Variants in PRPSAP2 observed in about 807,000 individuals in gnomAD.
PRPSAP2 encodes phosphoribosyl pyrophosphate synthetase associated protein 2.
Under a neutral mutation model 40.6 loss-of-function variants are expected in PRPSAP2, and 24 were observed. The observed-to-expected ratio is 0.59, with a 90% confidence interval of 0.43 to 0.83. PRPSAP2 has a LOEUF of 0.83. PRPSAP2 is among the 40% of genes least tolerant of loss of function. The pLI is 0.00. For missense variants in PRPSAP2, 292 were observed against 465.6 expected (o/e 0.63, Z 3.43); for synonymous variants, 149 against 164.7 (o/e 0.90, Z 0.73).
chr17:18,877,242 G>A (rs968699374), intron 5 of PRPSAP2, among the ~76,000 whole-genome samples: 1 of 152,184 alleles, frequency 6.6e-6, no homozygotes, highest in Admixed American at 6.5e-5. Context: ...AGTGTAAGAT[G>A]TACAGCAAAG....
chr17:18,865,745 C>A (rs570450750), intron 2 of PRPSAP2, 57 bp from the exon 3 acceptor site: 3 of 1,145,598 alleles, frequency 2.6e-6, no homozygotes, highest in East Asian at 6.3e-5. Flanking sequence ...AAAAAAAATT[C>A]ATTCAGGTAT....
chr17:18,905,114 C>G (rs2040500362), intron 8 of PRPSAP2: 1 of 152,146 alleles, frequency 6.6e-6, no homozygotes, highest in Admixed American at 6.5e-5. Context: ...ACCTTCGCCT[C>G]CCGGATTTTA....
chr17:18,909,607 A>G (rs1006298600), intron 8 of PRPSAP2, among the ~76,000 whole-genome samples: 1 of 151,880 alleles, frequency 6.6e-6, no homozygotes, highest in Non-Finnish European at 1.5e-5. Flanking sequence ...TTCCACTCTT[A>G]GGAATTTATC....
chr17:18,916,377 T>TA (rs2041315979), intron 9 of PRPSAP2, among the ~76,000 whole-genome samples: 3 of 114,720 alleles, frequency 2.6e-5, no homozygotes, highest in Non-Finnish European at 5.9e-5. Context: ...AGACTTGGTA[T>TA]TTTTTTTTTT....
chr17:18,907,444 A>G (rs967186525), intron 8 of PRPSAP2, among the ~76,000 whole-genome samples: 1 of 152,220 alleles, frequency 6.6e-6, no homozygotes, highest in Non-Finnish European at 1.5e-5. Context: ...ATATATCCAT[A>G]ATGATAGTGA....
At chr17:18,928,780 T>TATA (rs755836328) in intron 10 of PRPSAP2, 31 bp from the exon 11 acceptor site, 1 of 1,611,636 alleles carries the variant, frequency 6.2e-7, no homozygotes, top group East Asian at 2.2e-5. Context: ...GAAGTGCTCA[T>TATA]ATACATTCTT....
chr17:18,860,760 G>C (rs1336802356), intron 1 of PRPSAP2: 1 of 152,208 alleles, frequency 6.6e-6, no homozygotes, highest in Non-Finnish European at 1.5e-5. Flanking sequence ...CATCTGAAAT[G>C]TGGGTGAGTG....
chr17:18,918,690 G>A (rs1050342802), intron 9 of PRPSAP2, among the ~76,000 whole-genome samples: 2 of 152,144 alleles, frequency 1.3e-5, no homozygotes, highest in Non-Finnish European at 2.9e-5. Flanking sequence ...AGTTGAGCAG[G>A]CACATGGGAG....
In PRPSAP2 at chr17:18,930,916, T is replaced by C. The variant is rs1796342171; in HGVS notation, c.*218T>C. Reference sequence around the variant, plus strand: ...ATAAAAGAAAAACTTTATTCTCCTCTTTTGAAAAGGTAAGACCTCGTTTTA... The same window carrying C: ...ATAAAAGAAAAACTTTATTCTCCTCCTTTGAAAAGGTAAGACCTCGTTTTA... On this transcript the variant is annotated 3_prime_UTR_variant, in exon 12 of 12. Transcript: ENST00000268835. 1 of 369,146 alleles carries C rather than the reference T, an allele frequency of 2.7e-6. No individual in the cohort carries two copies. Among genetic ancestry groups the C allele is most frequent in the Admixed American group, 4.2e-5 (1 of 23,736 alleles). The allele number at this position is 369,146 out of a possible 1,614,324, so 22.9% of individuals were successfully genotyped here.
chr17:18,925,172 G>A (rs1406088226), intron 10 of PRPSAP2, among the ~76,000 whole-genome samples: 1 of 152,064 alleles, frequency 6.6e-6, no homozygotes, highest in Admixed American at 6.6e-5. Context: ...TTTGAAACAT[G>A]CATCCTTTCA....
intron 4 of PRPSAP2, among the ~76,000 whole-genome samples, chr17:18,869,321 A>ATTTTC (rs931022937): frequency 1.3e-3 from 187 of 148,338 alleles, no homozygotes; most frequent in African/African-American, 3.7e-3. Context: ...TCTAAAGCTC[A>ATTTTC]TTTTCTTTTC....
At chr17:18,885,308 TG>T (rs1184662067) in intron 7 of PRPSAP2, among the ~76,000 whole-genome samples, 1 of 143,056 alleles carries the variant, frequency 7.0e-6, no homozygotes, top group African/African-American at 2.6e-5. Flanking sequence ...GGATGAGAAG[TG>T]GGAGGATTGC....
chr17:18,867,863 G>A (rs535804442), intron 4 of PRPSAP2, among the ~76,000 whole-genome samples: 1 of 152,222 alleles, frequency 6.6e-6, no homozygotes, highest in Non-Finnish European at 1.5e-5. Flanking sequence ...AGGTCCAGGT[G>A]TGCTGGCTCA....
chr17:18,859,275 G>T (rs1320574281), intron 1 of PRPSAP2: 2 of 152,156 alleles, frequency 1.3e-5, no homozygotes, highest in Non-Finnish European at 2.9e-5. Flanking sequence ...TTCCAAACAA[G>T]GCATGTTTAC....
intron 9 of PRPSAP2, among the ~76,000 whole-genome samples, chr17:18,912,388 A>G (rs2041017147): frequency 6.6e-6 from 1 of 152,148 alleles, no homozygotes; most frequent in Non-Finnish European, 1.5e-5. Context: ...TAATACCACC[A>G]CAGTGGGTTC....
intron 1 of PRPSAP2, chr17:18,864,892 C>G (rs1041822260): frequency 6.6e-6 from 1 of 152,106 alleles, no homozygotes; most frequent in Non-Finnish European, 1.5e-5. Context: ...TGTCGCCAGG[C>G]TGGAAGTGCA....
intron 9 of PRPSAP2, among the ~76,000 whole-genome samples, chr17:18,916,656 A>G (rs2041337747): frequency 6.6e-6 from 1 of 152,194 alleles, no homozygotes; most frequent in South Asian, 2.1e-4. Context: ...TACTGGAATT[A>G]CAGGCATGAG....
chr17:18,866,560 A>G (rs2037448098), intron 3 of PRPSAP2, among the ~76,000 whole-genome samples: 1 of 152,156 alleles, frequency 6.6e-6, no homozygotes, highest in African/African-American at 2.4e-5. Context: ...CTCTGTCTCA[A>G]AAAAAGAACA....
intron 10 of PRPSAP2, among the ~76,000 whole-genome samples, chr17:18,925,579 G>T (rs923106174): frequency 2.6e-4 from 40 of 152,194 alleles, no homozygotes; most frequent in Non-Finnish European, 2.5e-4. Context: ...CTACACAACT[G>T]ATTGAGGCAA....
Sources: allele counts gnomAD v4.1 joint callset (sites outside exome capture counted in the v4.1 genomes callset), GRCh38; gene constraint gnomAD v4.1.1; transcripts MANE v1.5; gene names NCBI Gene and HGNC (gene_info 2026-07-23, HGNC 2026-07-21).